The following COIL variants were observed in gnomAD, a reference collection of about 807,000 sequenced individuals.
COIL encodes the protein coilin p80.
COIL carries 28 observed loss-of-function variants against 51.6 expected under a neutral mutation model. That is an observed-to-expected ratio of 0.54 (90% confidence interval 0.40 to 0.74). COIL has a LOEUF of 0.74. COIL is among the 30% of genes least tolerant of loss of function. The pLI is 0.00. For missense variants in COIL, 667 were observed against 685.9 expected (o/e 0.97, Z 0.31); for synonymous variants, 233 against 255.8 (o/e 0.91, Z 0.85).
At chr17:56,953,426 A>AC (rs1486264180) in intron 1 of COIL, among the ~76,000 whole-genome samples, 2 of 151,340 alleles carry the variant, frequency 1.3e-5, no homozygotes, top group South Asian at 2.1e-4. Flanking sequence ...AAAAAAAAAA[A>AC]AAAAATACAA....
Position 56,950,379 on chromosome 17 carries a change from T to A in COIL, c.863A>T (p.Asn288Ile). The A allele has an allele frequency of 6.2e-7, 1 of 1,614,170 alleles. No individual in the cohort carries two copies. Among genetic ancestry groups the A allele is most frequent in the Non-Finnish European group, 8.5e-7 (1 of 1,180,026 alleles). Reference sequence around the variant, plus strand: ...TATAGCCAGTTTGTCTGCAGTTGTATTTTTGGTAGAGGGTTCTTCCTTTGA... The same window carrying A: ...TATAGCCAGTTTGTCTGCAGTTGTAATTTTGGTAGAGGGTTCTTCCTTTGA... Reference protein sequence around the residue: ...ELSKEEPSTKNTTADKLAIKL... With the variant: ...ELSKEEPSTKITTADKLAIKL... The change falls in exon 2 of 7, where the codon AAT (asparagine) becomes ATT (isoleucine). Residue 288 changes from asparagine to isoleucine, a missense_variant. Asn to Ile is a moderately radical substitution (Grantham distance 149). Coordinates refer to ENST00000240316, the MANE Select transcript of COIL (RefSeq NM_004645.3).
Position 56,950,835 on chromosome 17 carries a change from C to T in COIL, c.407G>A (p.Arg136Gln), listed in dbSNP as rs752851765. 12 of 1,613,862 alleles carry T rather than the reference C, an allele frequency of 7.4e-6. No homozygotes were observed. The highest frequency in any genetic ancestry group is 4.5e-5 in the East Asian group (2 of 44,888). Reference protein sequence around the residue: ...CKYSKKHWKSRENNNNNEKVL... With the variant: ...CKYSKKHWKSQENNNNNEKVL... ...CTTCTCATTATTGTTATTGTTCTCT[C>T]GACTCTTCCAATGCTTCTTTGAATA... Residue 136 changes from arginine to glutamine, a missense_variant, in exon 2 of 7, where the codon CGA (arginine) becomes CAA (glutamine). Physicochemically the swap from Arg to Gln is conservative, Grantham distance 43. Transcript: ENST00000240316.
At chr17:56,945,006 C>T (rs1910219333) in intron 5 of COIL, among the ~76,000 whole-genome samples, 2 of 144,832 alleles carry the variant, frequency 1.4e-5, no homozygotes, top group African/African-American at 2.6e-5. Context: ...GACAGCAACA[C>T]TCCGTCTCAA....
intron 1 of COIL, among the ~76,000 whole-genome samples, chr17:56,957,211 C>A (rs1381275493): frequency 6.6e-6 from 1 of 151,948 alleles, no homozygotes; most frequent in Non-Finnish European, 1.5e-5. Flanking sequence ...TGCGCCACTG[C>A]ACTCCAGCCT....
chr17:56,949,779 T>C lies in COIL; in HGVS notation c.1354-12A>G, dbSNP rs192774764. 1 of 1,613,334 alleles carries C rather than the reference T, an allele frequency of 6.2e-7. No homozygotes were observed. Among genetic ancestry groups the C allele is most frequent in the Non-Finnish European group, 8.5e-7 (1 of 1,179,272 alleles). On this transcript the variant is annotated splice_polypyrimidine_tract_variant and intron_variant, in intron 2 of 6. Transcript: ENST00000240316. ...GTCTCTACTGGATTCTGAAAAACAG[T>C]GTTAGTCATGTGACATCATCACTGG... is the stretch of plus-strand genomic sequence containing the variant.
intron 5 of COIL, among the ~76,000 whole-genome samples, chr17:56,942,715 C>T (rs913164241): frequency 9.2e-5 from 14 of 152,076 alleles, no homozygotes; most frequent in African/African-American, 3.1e-4. Flanking sequence ...AGGGTTTCAC[C>T]ATGTTGGCCA....
chr17:56,956,290 G>A (rs191875053), intron 1 of COIL, among the ~76,000 whole-genome samples: 35 of 152,316 alleles, frequency 2.3e-4, no homozygotes, highest in African/African-American at 7.2e-4. Flanking sequence ...CCAGTCTGGA[G>A]TGGAGTGACA....
rs1187335057 is a variant in COIL, at chr17:56,949,989, C to T, written c.1253G>A (p.Gly418Glu). The T allele has an allele frequency of 3.1e-6, 5 of 1,614,168 alleles. No individual in the cohort carries two copies. Among genetic ancestry groups the T allele is most frequent in the Admixed American group, 1.7e-5 (1 of 60,004 alleles). Reference protein sequence around the residue: ...KGRGMRGRGRGRGHPVSCVVN... With the variant: ...KGRGMRGRGRERGHPVSCVVN... ...AACACAGGAAACAGGATGCCCTCGT[C>T]CTCGACCTCTCCCCCGCATGCCCCG... Residue 418 changes from glycine to glutamate, a missense_variant, in exon 2 of 7, where the codon GGA becomes GAA. Gly to Glu is a moderately conservative substitution (Grantham distance 98). Coordinates refer to ENST00000240316, the MANE Select transcript of COIL (RefSeq NM_004645.3).
intron 5 of COIL, among the ~76,000 whole-genome samples, chr17:56,945,851 G>T (rs1567851637): frequency 6.6e-6 from 1 of 152,174 alleles, no homozygotes; most frequent in Non-Finnish European, 1.5e-5. Flanking sequence ...CAGTAGGTGG[G>T]ATTACAGGCG....
intron 3 of COIL, 115 bp from the exon 4 acceptor site, chr17:56,949,549 C>T: frequency 7.2e-7 from 1 of 1,394,860 alleles, no homozygotes; most frequent in South Asian, 1.2e-5. Context: ...GGGAGCCCTA[C>T]CAGGAACCCG....
At position 56,960,932 on chromosome 17, in the gene COIL, C is replaced by T; in HGVS notation, c.88G>A (p.Val30Ile). Residue 30 changes from valine to isoleucine, a missense_variant, in exon 1 of 7, where the codon GTC (valine) becomes ATC (isoleucine). Transcript: ENST00000240316. The part of the protein sequence containing the change: ...TPHCTAFWLL[V>I]DLNRCRVVTD... ...ACGACTCGGCATCTGTTCAAGTCGA[C>T]CAGAAGCCAGAAGGCCGTACAGTGC... The T allele has an allele frequency of 2.5e-6, 4 of 1,614,166 alleles. No homozygotes were observed. Among genetic ancestry groups the T allele is most frequent in the Non-Finnish European group, 3.4e-6 (4 of 1,180,024 alleles).
chr17:56,952,136 T>A, intron 1 of COIL: 1 of 453,680 alleles, frequency 2.2e-6, no homozygotes, highest in Non-Finnish European at 4.3e-6. Flanking sequence ...ACTATAATGA[T>A]GAAGCATGGT....
rs1395556364 is a variant in COIL at position 56,953,210 on chromosome 17, G to T, written c.246-2214C>A. Among the ~76,000 whole-genome samples the T allele has an allele frequency of 2.6e-5, 4 of 151,896 alleles. No individual in the cohort carries two copies. The South Asian group carries it at 6.2e-4, about 24-fold the overall frequency. On this transcript the variant is annotated intron_variant, in intron 1 of 6. Coordinates refer to ENST00000240316, the MANE Select transcript of COIL (RefSeq NM_004645.3). ...GTGGATCACAAGGTCAGGAGATCGA[G>T]ACCATCCTGGCTAACACAGTGAAAC...
At chr17:56,952,225 T>C in intron 1 of COIL, 1 of 501,218 alleles carries the variant, frequency 2.0e-6, no homozygotes, top group East Asian at 5.7e-5. Flanking sequence ...GCTAAACAAG[T>C]ATGGAATAAT....
At chr17:56,960,201 G>T (rs1370398317) in intron 1 of COIL, among the ~76,000 whole-genome samples, 3 of 150,958 alleles carry the variant, frequency 2.0e-5, no homozygotes, top group African/African-American at 7.3e-5. Context: ...TCCAGCCTGG[G>T]TGACAGAATG....
intron 6 of COIL, 21 bp downstream of exon 6, chr17:56,942,013 GC>G: frequency 6.3e-7 from 1 of 1,592,454 alleles, no homozygotes; most frequent in Non-Finnish European, 8.6e-7. Context: ...GCCAAGCAAC[GC>G]AAGAAGAGAA....
At chr17:56,959,420 T>C (rs1164317660) in intron 1 of COIL, among the ~76,000 whole-genome samples, 1 of 152,166 alleles carries the variant, frequency 6.6e-6, no homozygotes, top group Non-Finnish European at 1.5e-5. Context: ...GATACCATCA[T>C]CTTACTGTGG....
chr17:56,947,586 T>G (rs1910274249), intron 4 of COIL, among the ~76,000 whole-genome samples: 1 of 152,140 alleles, frequency 6.6e-6, no homozygotes, highest in East Asian at 1.9e-4. Flanking sequence ...TTCTTGTGCC[T>G]CAGTCTCCTG....
intron 1 of COIL, 65 bp downstream of exon 1, chr17:56,960,710 G>C: frequency 5.0e-6 from 5 of 996,646 alleles, no homozygotes; most frequent in Non-Finnish European, 6.3e-6. Flanking sequence ...CTTCAGGCCC[G>C]GGCGTGCGCA....
Sources: gnomAD v4.1 joint callset for allele counts (sites outside exome capture counted in the v4.1 genomes callset) on GRCh38, gnomAD v4.1.1 for gene constraint, MANE v1.5 for transcripts, NCBI Gene and HGNC (gene_info 2026-07-23, HGNC 2026-07-21) for gene names.